LPP: variants seen among roughly 807,000 people sequenced by gnomAD.
LPP encodes lipoma-preferred partner.
Under a neutral mutation model 60.4 loss-of-function variants are expected in LPP, and 38 were observed. The observed-to-expected ratio is 0.63, with a 90% CI of 0.49 to 0.83. LPP has a LOEUF of 0.83. Among genes scored for constraint, LPP ranks in the 40% least tolerant of loss-of-function variants. The pLI, the probability that LPP is intolerant of heterozygous loss-of-function variation, is 0.00. For missense variants in LPP, 902 were observed against 783.6 expected (o/e 1.15, Z -1.80); for synonymous variants, 328 against 290.8 (o/e 1.13, Z -1.30).
At chr3:188,588,498 G>C (rs1222383941) in intron 6 of LPP, among the ~76,000 whole-genome samples, 2 of 152,192 alleles carry the variant, frequency 1.3e-5, no homozygotes, top group Admixed American at 1.3e-4. Flanking sequence ...GTGTAGAGGT[G>C]GCTAACAGAA....
chr3:188,322,802 T>C (rs12490232), intron 2 of LPP, among the ~76,000 whole-genome samples: 43,415 of 152,102 alleles, frequency 0.29, 7,213 homozygotes, highest in East Asian at 0.65. Flanking sequence ...TTCACCTGTT[T>C]GACATAGACA....
intron 1 of LPP, among the ~76,000 whole-genome samples, chr3:188,187,417 C>T (rs1726920802): frequency 6.6e-6 from 1 of 151,924 alleles, no homozygotes; most frequent in Non-Finnish European, 1.5e-5. Flanking sequence ...CAGAGTCATT[C>T]TACATTTTGT....
At chr3:188,822,280 G>A (rs1295700555) in intron 9 of LPP, among the ~76,000 whole-genome samples, 13 of 151,966 alleles carry the variant, frequency 8.6e-5, no homozygotes, top group Admixed American at 8.5e-4. Flanking sequence ...TCTCTTCTCG[G>A]ATACAAAAAA....
At position 188,609,825 on chromosome 3, in the gene LPP, C is replaced by T. The variant is rs770028872; in HGVS notation, c.1094C>T (p.Ala365Val). The T allele has an allele frequency of 6.2e-5, 100 of 1,611,316 alleles. No homozygotes were observed. Among genetic ancestry groups the T allele is most frequent in the Admixed American group, 1.2e-4 (7 of 59,796 alleles). Reference sequence around the variant, plus strand: ...ACAGATCCTGTTTCAGCCCCCTGTGCGCCACCATTGCAGCCAAAGGTAAGA... The same window carrying T: ...ACAGATCCTGTTTCAGCCCCCTGTGTGCCACCATTGCAGCCAAAGGTAAGA... ...YITDPVSAPC[A>V]PPLQPKGGHS... The change falls in exon 7 of 12, where the codon GCG becomes GTG. Residue 365 changes from alanine (A) to valine (V), a missense_variant. By Grantham distance (64) the Ala-to-Val change is moderately conservative. Coordinates refer to ENST00000617246, the MANE Select transcript of LPP (RefSeq NM_001375462.1). The surrounding 1 kb of genome is among the most constrained non-coding windows in gnomAD (Gnocchi z 6.9).
chr3:188,601,146 A>C (rs1841080109), intron 6 of LPP, among the ~76,000 whole-genome samples: 1 of 152,126 alleles, frequency 6.6e-6, no homozygotes. Context: ...TTGCCAGATT[A>C]TTGATATATT....
In LPP at chr3:188,599,751, G is replaced by GGTGTGTGTGTGTGTGTGTGTGT. The variant is rs71169011; in HGVS notation, c.430-9392_430-9371dup. Among the ~76,000 whole-genome samples the GGTGTGTGTGTGTGTGTGTGTGT allele has an allele frequency of 1.0e-3, 145 of 139,888 alleles. 1 individual carries two copies. Among genetic ancestry groups the GGTGTGTGTGTGTGTGTGTGTGT allele is most frequent in the African/African-American group, 3.6e-3 (135 of 37,284 alleles). The allele number at this position is 139,888 out of a possible 152,430, so 91.8% of individuals were successfully genotyped here. A position where few individuals can be genotyped will look rare whatever the true frequency, so the allele number is the denominator to read the frequency against. ...CAAAAACTATCGGGGACTCGTTAGG[G>GGTGTGTGTGTGTGTGTGTGTGT]GTGTGTGTGTGTGTGTGTGTGTGTG... On this transcript the variant is annotated intron_variant, in intron 6 of 11. Coordinates refer to ENST00000617246, the MANE Select transcript of LPP (RefSeq NM_001375462.1).
intron 1 of LPP, among the ~76,000 whole-genome samples, chr3:188,204,171 G>C (rs890282274): frequency 6.6e-6 from 1 of 152,186 alleles, no homozygotes; most frequent in African/African-American, 2.4e-5. Flanking sequence ...GGCGGGGAAA[G>C]CATGAGCCAA....
At chr3:188,430,719 G>C (rs565343797) in intron 4 of LPP, among the ~76,000 whole-genome samples, 2 of 152,088 alleles carry the variant, frequency 1.3e-5, no homozygotes, top group Non-Finnish European at 2.9e-5. Context: ...AAATCTTTTT[G>C]TTGCAACCTG....
At chr3:188,232,153 G>A (rs73057676) in intron 2 of LPP, among the ~76,000 whole-genome samples, 1,999 of 152,230 alleles carry the variant, frequency 0.013, 40 homozygotes, top group African/African-American at 0.045. Flanking sequence ...GGTTCCCTTA[G>A]AGTCCACATT....
Position 188,525,009 on chromosome 3 carries a change from C to T in LPP, c.429+222C>T, listed in dbSNP as rs35608331. 1.1e-3 allele frequency among the ~76,000 whole-genome samples: 161 copies of T among 149,910 alleles called. No individual in the cohort carries two copies. The East Asian group carries it at 0.016, about 15-fold the overall frequency. On this transcript the variant is annotated intron_variant, in intron 6 of 11. Coordinates refer to ENST00000617246, the MANE Select transcript of LPP (RefSeq NM_001375462.1). ...TTTGATGGAGTCTTGCTCTGTTGCC[C>T]AGGCCGGAGTGCAATGGCACAATCT...
At chr3:188,637,619 AG>A (rs1164957482) in intron 7 of LPP, among the ~76,000 whole-genome samples, 1 of 151,924 alleles carries the variant, frequency 6.6e-6, no homozygotes, top group Non-Finnish European at 1.5e-5. Context: ...ACCGCTAGCA[AG>A]ACTAATAAAG....
chr3:188,624,592 A>G lies in LPP; in HGVS notation c.1113+14748A>G, dbSNP rs543251688. Among the ~76,000 whole-genome samples, 35 of 152,294 alleles carry G rather than the reference A, an allele frequency of 2.3e-4. No homozygotes were observed. In the South Asian group the frequency reaches 7.1e-3, roughly 31 times the overall value. ...AACCTGATCATGTGAAAAGCCCAGG[A>G]CTGTTCAGCCTTCTGTGGCAGTTCT... On this transcript the variant is annotated intron_variant, in intron 7 of 11. Coordinates refer to ENST00000617246, the MANE Select transcript of LPP (RefSeq NM_001375462.1).
intron 5 of LPP, among the ~76,000 whole-genome samples, chr3:188,485,925 A>G (rs914101315): frequency 1.1e-4 from 16 of 151,892 alleles, no homozygotes; most frequent in African/African-American, 3.6e-4. Flanking sequence ...GGTGCATGGA[A>G]GTTTATTCTG....
intron 1 of LPP, among the ~76,000 whole-genome samples, chr3:188,213,445 AGTTC>A (rs912333350): frequency 2.6e-5 from 4 of 152,150 alleles, no homozygotes; most frequent in Admixed American, 6.5e-5. Flanking sequence ...CTTCTCTCTC[AGTTC>A]GTTCTCCTTC....
chr3:188,490,241 CA>C (rs1172376196), intron 5 of LPP, among the ~76,000 whole-genome samples: 1 of 152,048 alleles, frequency 6.6e-6, no homozygotes, highest in Non-Finnish European at 1.5e-5. Flanking sequence ...AGTGAGTAAG[CA>C]CAGAGTAACA....
At chr3:188,299,052 A>C (rs1158928435) in intron 2 of LPP, among the ~76,000 whole-genome samples, 3 of 152,318 alleles carry the variant, frequency 2.0e-5, no homozygotes, top group Admixed American at 6.5e-5. Flanking sequence ...CATCTTAATA[A>C]GGCAGCAGAT....
At chr3:188,487,679 T>TG (rs1452440522) in intron 5 of LPP, among the ~76,000 whole-genome samples, 1 of 152,190 alleles carries the variant, frequency 6.6e-6, no homozygotes, top group Non-Finnish European at 1.5e-5. Context: ...AGCGGCTTGG[T>TG]CCTGCTCTGG....
intron 9 of LPP, among the ~76,000 whole-genome samples, chr3:188,821,074 A>G (rs1753828156): frequency 6.6e-6 from 1 of 151,740 alleles, no homozygotes; most frequent in African/African-American, 2.4e-5. Flanking sequence ...CATCATGTTT[A>G]GATTTCTGAT....
intron 6 of LPP, among the ~76,000 whole-genome samples, chr3:188,591,099 C>T (rs1838607931): frequency 6.6e-6 from 1 of 152,138 alleles, no homozygotes; most frequent in African/African-American, 2.4e-5. Context: ...GAATTGGAGG[C>T]AAGATTATTT....
Sources: allele counts gnomAD v4.1 joint callset (sites outside exome capture counted in the v4.1 genomes callset), GRCh38; gene constraint gnomAD v4.1.1; non-coding constraint Gnocchi (gnomAD v3.1); transcripts MANE v1.5; gene names NCBI Gene and HGNC (gene_info 2026-07-23, HGNC 2026-07-21).